UGT1A9: variants seen among roughly 807,000 people sequenced by gnomAD.
UGT1A9 encodes UDP-glucuronosyltransferase 1A9.
A neutral mutation model predicts 45.0 loss-of-function variants in UGT1A9; 35 were observed. The ratio of observed to expected loss-of-function variants is 0.78; its 90% confidence interval spans 0.59 to 1.03. The LOEUF is 1.03. Among genes scored for constraint, UGT1A9 ranks in the 50% least tolerant of loss-of-function variants. The pLI is 0.00. For missense variants in UGT1A9, 687 were observed against 666.6 expected (o/e 1.03, Z -0.34); for synonymous variants, 278 against 250.6 (o/e 1.11, Z -1.03).
chr2:233,721,906 A>G (rs994798913), intron 1 of UGT1A9: 14 of 450,550 alleles, frequency 3.1e-5, no homozygotes, highest in African/African-American at 2.6e-4. Context: ...GAAATGGTGC[A>G]CACTGCTTCC....
chr2:233,757,535 A>AATAAATATACATATACATATATAT (rs1553619837), intron 1 of UGT1A9, among the ~76,000 whole-genome samples: 10 of 88,300 alleles, frequency 1.1e-4, no homozygotes, highest in South Asian at 5.2e-4. Context: ...GCCTGTAAGG[A>AATAAATATACATATACATATATAT]ATATATATAT....
chr2:233,752,390 G>A (rs1694961532), intron 1 of UGT1A9: 2 of 152,134 alleles, frequency 1.3e-5, no homozygotes, highest in Admixed American at 1.3e-4. Flanking sequence ...TGCAACAGAG[G>A]AAATGCCCCT....
rs554048784 is a variant in UGT1A9, at chr2:233,732,559, A to G, written c.856-34475A>G. ...TTTTCCCAGCACCATTTATTAAATA[A>G]GGAATCCTTTCCCCATTGCTTGTTT... On this transcript the variant is annotated intron_variant, in intron 1 of 4. Coordinates refer to ENST00000354728, the MANE Select transcript of UGT1A9 (RefSeq NM_021027.3). Among the ~76,000 whole-genome samples the G allele has an allele frequency of 2.5e-3, 374 of 152,298 alleles. 2 individuals are homozygous for G. The highest frequency in any genetic ancestry group is 8.6e-3 in the African/African-American group (358 of 41,564).
At chr2:233,715,670 G>T (rs1428393419) in intron 1 of UGT1A9, among the ~76,000 whole-genome samples, 3 of 152,106 alleles carry the variant, frequency 2.0e-5, no homozygotes, top group Non-Finnish European at 4.4e-5. Context: ...TACTCGGGAG[G>T]CTGAGGCAGG....
chr2:233,732,474 A>C (rs866244589), intron 1 of UGT1A9, among the ~76,000 whole-genome samples: 34 of 152,356 alleles, frequency 2.2e-4, no homozygotes, highest in African/African-American at 6.3e-4. Flanking sequence ...TCCATCTGGA[A>C]TTAATTTTTG....
intron 1 of UGT1A9, chr2:233,752,584 T>C (rs903855618): frequency 6.6e-6 from 1 of 152,196 alleles, no homozygotes; most frequent in Non-Finnish European, 1.5e-5. Context: ...CATTCCCATC[T>C]CTACAAGATT....
intron 1 of UGT1A9, among the ~76,000 whole-genome samples, chr2:233,687,550 G>A (rs1236181081): frequency 6.9e-6 from 1 of 145,060 alleles, no homozygotes; most frequent in African/African-American, 2.6e-5. Context: ...CAAGTAAGTG[G>A]GGGAGCCAGA....
intron 1 of UGT1A9, among the ~76,000 whole-genome samples, chr2:233,678,378 G>C (rs1358050976): frequency 6.6e-6 from 1 of 152,152 alleles, no homozygotes; most frequent in Non-Finnish European, 1.5e-5. Flanking sequence ...TCCATTGAGT[G>C]GGCTGTGGAG....
At chr2:233,760,155 CT>C (rs1697330158) in intron 1 of UGT1A9, 26 of 1,487,798 alleles carry the variant, frequency 1.7e-5, no homozygotes, top group Non-Finnish European at 2.3e-5. Flanking sequence ...GAACTCCCTG[CT>C]ACCTTTGTGG....
Position 233,747,361 on chromosome 2 carries a change from A to T in UGT1A9, c.856-19673A>T, listed in dbSNP as rs1260496106. 17 of 1,603,206 alleles carry T rather than the reference A, an allele frequency of 1.1e-5. No individual in the cohort carries two copies. In the African/African-American group the frequency reaches 1.9e-4, roughly 18 times the overall value. On this transcript the variant is annotated intron_variant, in intron 1 of 4. Coordinates refer to ENST00000354728, the MANE Select transcript of UGT1A9 (RefSeq NM_021027.3). Reference sequence around the variant, plus strand: ...GCTCGCATGCGGGAGGCCGTGCGGGAGCTCCATGCCAGAGGCCACCAGGCG... The same window carrying T: ...GCTCGCATGCGGGAGGCCGTGCGGGTGCTCCATGCCAGAGGCCACCAGGCG...
chr2:233,757,895 TC>T (rs374634919), intron 1 of UGT1A9, among the ~76,000 whole-genome samples: 2 of 152,016 alleles, frequency 1.3e-5, no homozygotes, highest in Non-Finnish European at 2.9e-5. Context: ...AGAAACACTT[TC>T]CATGGACGTG....
intron 1 of UGT1A9, among the ~76,000 whole-genome samples, chr2:233,765,636 G>A (rs1698897187): frequency 6.6e-6 from 1 of 151,630 alleles, no homozygotes; most frequent in Non-Finnish European, 1.5e-5. Context: ...GGAACTTAGA[G>A]GATAGGTCAA....
At chr2:233,726,933 A>AT (rs1312634062) in intron 1 of UGT1A9, among the ~76,000 whole-genome samples, 1 of 151,726 alleles carries the variant, frequency 6.6e-6, no homozygotes, top group Non-Finnish European at 1.5e-5. Flanking sequence ...TCCTTTTTTC[A>AT]TTTTTAAAAA....
chr2:233,693,469 T>C (rs757888453), intron 1 of UGT1A9: 2 of 1,614,144 alleles, frequency 1.2e-6, no homozygotes, highest in East Asian at 2.2e-5. Flanking sequence ...CCTTACCCTG[T>C]GGGGTGATCC....
At chr2:233,742,758 T>A (rs1302155264) in intron 1 of UGT1A9, 3 of 153,094 alleles carry the variant, frequency 2.0e-5, no homozygotes, top group African/African-American at 7.3e-5. Context: ...AATATTAAGA[T>A]AATAAATGCA....
chr2:233,715,410 T>C (rs75182177), intron 1 of UGT1A9, among the ~76,000 whole-genome samples: 57 of 152,316 alleles, frequency 3.7e-4, no homozygotes, highest in African/African-American at 1.2e-3. Context: ...ATCCTTAAAA[T>C]ACATTTTATC....
In UGT1A9 at chr2:233,768,235, G is replaced by A. The variant is rs374047963; in HGVS notation, c.1091G>A (p.Arg364His). ...QNDLLGHPMT[R>H]AFITHAGSHG... ...TGCATCTCAGGTCACCCGATGACCC[G>A]TGCCTTTATCACCCATGCTGGTTCC... Residue 364 changes from arginine (R) to histidine (H), a missense_variant, in exon 4 of 5, where the codon CGT becomes CAT. Physicochemically the swap from Arg to His is conservative, Grantham distance 29. Transcript: ENST00000354728. 3.8e-5 allele frequency: 62 copies of A among 1,614,018 alleles called. No homozygotes were observed. The highest frequency in any genetic ancestry group is 1.6e-4 in the Middle Eastern group (1 of 6,084).
chr2:233,682,062 A>T (rs754287322), intron 1 of UGT1A9: 1 of 1,614,126 alleles, frequency 6.2e-7, no homozygotes, highest in Admixed American at 1.7e-5. Context: ...TTCACCATGC[A>T]GTCGGTGGTG....
chr2:233,683,479 T>G (rs2074636324), intron 1 of UGT1A9, among the ~76,000 whole-genome samples: 2 of 152,142 alleles, frequency 1.3e-5, no homozygotes, highest in African/African-American at 4.8e-5. Context: ...ATTTTCATAT[T>G]TTTGCTTTTA....
Sources: allele counts gnomAD v4.1 joint callset (sites outside exome capture counted in the v4.1 genomes callset), GRCh38; gene constraint gnomAD v4.1.1; transcripts MANE v1.5; gene names NCBI Gene and HGNC (gene_info 2026-07-23, HGNC 2026-07-21).